ALCAM: variants seen among roughly 807,000 people sequenced by gnomAD.
ALCAM encodes the protein CD166 antigen.
ALCAM carries 30 observed loss-of-function variants against 70.9 expected under a neutral mutation model. The ratio of observed to expected loss-of-function variants is 0.42; its 90% CI spans 0.32 to 0.57. The LOEUF (loss-of-function observed/expected upper bound fraction) is 0.57. Among genes scored for constraint, ALCAM ranks in the 20% least tolerant of loss-of-function variants. The pLI is 0.11. For missense variants in ALCAM, 591 were observed against 695.1 expected (o/e 0.85, Z 1.68); for synonymous variants, 249 against 242.5 (o/e 1.03, Z -0.25).
intron 1 of ALCAM, among the ~76,000 whole-genome samples, chr3:105,408,374 A>G (rs1936302409): frequency 6.6e-6 from 1 of 152,188 alleles, no homozygotes; most frequent in Non-Finnish European, 1.5e-5. Context: ...ATGGAACAGA[A>G]TAGAAAACCC....
chr3:105,391,409 G>T lies in ALCAM; in HGVS notation c.73+23928G>T, dbSNP rs142680657. 7.0e-3 allele frequency among the ~76,000 whole-genome samples: 1,059 copies of T among 152,084 alleles called. 6 individuals are homozygous for T. Among genetic ancestry groups the T allele is most frequent in the African/African-American group, 0.024 (984 of 41,498 alleles). On this transcript the variant is annotated intron_variant, in intron 1 of 15. Coordinates refer to ENST00000306107, the MANE Select transcript of ALCAM (RefSeq NM_001627.4). ...TTGGTTCTCTGCTTGTCTATTGTTG[G>T]TGTATAGGAATGCTGCTTATTTTTG...
In ALCAM at chr3:105,366,935, G is replaced by A. The variant is rs538753587; in HGVS notation, c.-474G>A. On this transcript the variant is annotated 5_prime_UTR_variant, in exon 1 of 16. Transcript: ENST00000306107. The stretch of plus-strand genomic sequence containing the variant: ...GAGCAGCCCGGAGACCGCTGCCGCC[G>A]CTGCCGCTGCTACCACCGCTGCCAC... 5.4e-3 allele frequency: 863 copies of A among 160,376 alleles called. 7 individuals carry two copies. Among genetic ancestry groups the A allele is most frequent in the African/African-American group, 0.02 (831 of 41,576 alleles). The allele number at this position is 160,376 out of a possible 1,614,324, so 9.9% of individuals were successfully genotyped here.
chr3:105,523,269 C>A (rs1333839307), intron 2 of ALCAM, among the ~76,000 whole-genome samples: 2 of 150,004 alleles, frequency 1.3e-5, no homozygotes, highest in East Asian at 2.0e-4. Flanking sequence ...GTCTAACATA[C>A]TTTGCATAAT....
intron 1 of ALCAM, among the ~76,000 whole-genome samples, chr3:105,476,475 C>A (rs1428459698): frequency 1.3e-5 from 2 of 152,110 alleles, no homozygotes; most frequent in Non-Finnish European, 2.9e-5. Context: ...AGTACCCCAT[C>A]TTCTTTCACA....
intron 14 of ALCAM, among the ~76,000 whole-genome samples, chr3:105,555,528 A>G (rs938075351): frequency 1.3e-5 from 2 of 152,058 alleles, no homozygotes; most frequent in African/African-American, 2.4e-5. Context: ...AAGAATGTCT[A>G]ACGCCATTTT....
chr3:105,535,413 T>A (rs1939946629), intron 6 of ALCAM, among the ~76,000 whole-genome samples: 1 of 152,140 alleles, frequency 6.6e-6, no homozygotes, highest in Non-Finnish European at 1.5e-5. Flanking sequence ...AATCTTTTTC[T>A]CCATTGCTGT....
At chr3:105,488,397 G>T (rs1035526899) in intron 1 of ALCAM, among the ~76,000 whole-genome samples, 1 of 152,058 alleles carries the variant, frequency 6.6e-6, no homozygotes, top group African/African-American at 2.4e-5. Flanking sequence ...ATGGAGACCA[G>T]GAGAGCTCCA....
chr3:105,543,545 C>G (rs188216013), intron 8 of ALCAM, among the ~76,000 whole-genome samples: 1 of 149,766 alleles, frequency 6.7e-6, no homozygotes, highest in Admixed American at 6.6e-5. Context: ...TCAAACATGT[C>G]TAAAGGAAGT....
At chr3:105,389,742 T>A (rs1358563245) in intron 1 of ALCAM, among the ~76,000 whole-genome samples, 1 of 147,398 alleles carries the variant, frequency 6.8e-6, no homozygotes, top group East Asian at 2.1e-4. Context: ...CCCTCCCCCC[T>A]ACCCCCTCAA....
intron 1 of ALCAM, among the ~76,000 whole-genome samples, chr3:105,407,761 G>A: frequency 6.6e-6 from 1 of 152,118 alleles, no homozygotes; most frequent in East Asian, 1.9e-4. Flanking sequence ...ATCCGAAGAG[G>A]AAGTCAAACT....
intron 14 of ALCAM, among the ~76,000 whole-genome samples, chr3:105,553,762 T>A (rs1940462215): frequency 1.3e-5 from 2 of 151,898 alleles, no homozygotes. Context: ...TATTTTACAT[T>A]TTAAAAATCT....
At chr3:105,369,949 G>A (rs1935184611) in intron 1 of ALCAM, among the ~76,000 whole-genome samples, 1 of 152,006 alleles carries the variant, frequency 6.6e-6, no homozygotes. Flanking sequence ...TGTAGAAAGA[G>A]CGTCAGCCTG....
At chr3:105,369,896 A>T (rs2107314523) in intron 1 of ALCAM, among the ~76,000 whole-genome samples, 1 of 152,270 alleles carries the variant, frequency 6.6e-6, no homozygotes, top group East Asian at 1.9e-4. Context: ...AAGGCAATGA[A>T]GTGTGTGTTC....
chr3:105,540,196 G>T, intron 7 of ALCAM, 94 bp downstream of exon 7: 8 of 1,310,874 alleles, frequency 6.1e-6, no homozygotes, highest in Non-Finnish European at 8.2e-6. Flanking sequence ...AAATGTTATT[G>T]CTGGAGACAA....
At chr3:105,377,888 C>T (rs186612620) in intron 1 of ALCAM, among the ~76,000 whole-genome samples, 3 of 152,008 alleles carry the variant, frequency 2.0e-5, no homozygotes, top group African/African-American at 4.8e-5. Context: ...TGTATTAGTT[C>T]GTTGTAGGTA....
In ALCAM at chr3:105,408,389, A is replaced by G. The variant is rs1173622349; in HGVS notation, c.73+40908A>G. 3.9e-5 allele frequency among the ~76,000 whole-genome samples: 6 copies of G among 152,198 alleles called. No homozygotes were observed. In the East Asian group the frequency reaches 5.8e-4, roughly 15 times the overall value. On this transcript the variant is annotated intron_variant, in intron 1 of 15. Transcript: ENST00000306107. ...ATGGAACAGAATAGAAAACCCAGAA[A>G]TAAACCCAAATATTTACATCCAACT... is the stretch of plus-strand genomic sequence containing the variant.
intron 1 of ALCAM, among the ~76,000 whole-genome samples, chr3:105,502,127 A>G (rs1938938193): frequency 6.6e-6 from 1 of 152,240 alleles, no homozygotes; most frequent in Non-Finnish European, 1.5e-5. Flanking sequence ...AATTAACTGT[A>G]TGCTTTTTCT....
intron 2 of ALCAM, among the ~76,000 whole-genome samples, chr3:105,522,817 A>G (rs1939580446): frequency 6.6e-6 from 1 of 152,236 alleles, no homozygotes; most frequent in Admixed American, 6.5e-5. Context: ...TAAGGCTGTT[A>G]TGAATATTAA....
At chr3:105,510,479 T>G (rs1576211091) in intron 1 of ALCAM, among the ~76,000 whole-genome samples, 1 of 152,124 alleles carries the variant, frequency 6.6e-6, no homozygotes, top group African/African-American at 2.4e-5. Flanking sequence ...AGGAACATTT[T>G]CATGTCCACT....
Sources: allele counts gnomAD v4.1 joint callset (sites outside exome capture counted in the v4.1 genomes callset), GRCh38; gene constraint gnomAD v4.1.1; transcripts MANE v1.5; gene names NCBI Gene and HGNC (gene_info 2026-07-23, HGNC 2026-07-21).